Variants in MYH10 observed in about 807,000 individuals in gnomAD.
The protein encoded by MYH10 is myosin heavy chain 10.
A neutral mutation model predicts 257.8 loss-of-function variants in MYH10; 55 were observed. That is an observed-to-expected ratio of 0.21 (90% CI 0.17 to 0.27). The LOEUF (loss-of-function observed/expected upper bound fraction) is 0.27, where lower values mean the gene tolerates loss of function less well. Among genes scored for constraint, MYH10 ranks in the 10% least tolerant of loss-of-function variants. The pLI, the probability that MYH10 is intolerant of heterozygous loss-of-function variation, is 1.00. For missense variants in MYH10, 1,631 were observed against 2,500.6 expected (o/e 0.65, Z 7.42); for synonymous variants, 854 against 921.7 (o/e 0.93, Z 1.33).
chr17:8,581,813 A>G (rs1315101191), intron 4 of MYH10, among the ~76,000 whole-genome samples: 2 of 152,246 alleles, frequency 1.3e-5, no homozygotes, highest in Non-Finnish European at 2.9e-5. Context: ...GATTTGAATT[A>G]CTAAACTTTA....
At chr17:8,559,861 T>C (rs987945005) in intron 7 of MYH10, among the ~76,000 whole-genome samples, 1 of 152,222 alleles carries the variant, frequency 6.6e-6, no homozygotes, top group Non-Finnish European at 1.5e-5. Flanking sequence ...GTATTATCTA[T>C]ACACTACCTC....
At chr17:8,480,026 G>GC (rs3215073) in intron 40 of MYH10, 84 bp downstream of exon 40, 541,346 of 1,339,504 alleles carry the variant, frequency 0.4, 110,961 homozygotes, top group South Asian at 0.44. Context: ...GTGGTGGGGA[G>GC]CCCCCCCGAA....
chr17:8,515,280 T>C lies in MYH10; in HGVS notation c.2505-1386A>G, dbSNP rs370346748. Among the ~76,000 whole-genome samples, 69 of 152,292 alleles carry C rather than the reference T, an allele frequency of 4.5e-4. No individual in the cohort carries two copies. The East Asian group carries it at 0.011, about 25-fold the overall frequency. On this transcript the variant is annotated intron_variant, in intron 21 of 42. Transcript: ENST00000360416. The stretch of plus-strand genomic sequence containing the variant: ...AAAATAAGAAAAACATTTTGAATTA[T>C]TCATTCACTCCAGCAAACAGCGGTA...
intron 37 of MYH10, among the ~76,000 whole-genome samples, chr17:8,481,880 A>T (rs1266460023): frequency 6.6e-6 from 1 of 152,242 alleles, no homozygotes; most frequent in Non-Finnish European, 1.5e-5. Context: ...AACAAGGATC[A>T]ATGCTCCCAT....
Position 8,476,985 on chromosome 17 carries a change from C to T in MYH10, c.5770G>A (p.Ala1924Thr). The part of the protein sequence containing the change: ...KRQLEEAEEE[A>T]TRANASRRKL... ...CGCCGAGATGCGTTGGCACGCGTCG[C>T]TTCTTCTTCTGCTTCCTCCAGCTGG... is the stretch of plus-strand genomic sequence containing the variant. Residue 1924 changes from alanine (A) to threonine (T), a missense_variant, in exon 42 of 43, where the codon GCG becomes ACG. Coordinates refer to ENST00000360416, the MANE Select transcript of MYH10 (RefSeq NM_001256012.3). 3.7e-6 allele frequency: 6 copies of T among 1,614,182 alleles called. No homozygotes were observed. Among genetic ancestry groups the T allele is most frequent in the Non-Finnish European group, 5.1e-6 (6 of 1,180,040 alleles).
Position 8,512,628 on chromosome 17 carries a change from T to C in MYH10, c.2775A>G (p.Glu925=), listed in dbSNP as rs759626647. 12 of 1,612,924 alleles carry C rather than the reference T, an allele frequency of 7.4e-6. No individual in the cohort carries two copies. The Admixed American group carries it at 8.3e-5, about 11-fold the overall frequency. Reference sequence around the variant, plus strand: ...AGAGCTCAGTCTCTGCTTGTAGTTGTTCTGCAAGGATATTCTTCTCTTCTA... The same window carrying C: ...AGAGCTCAGTCTCTGCTTGTAGTTGCTCTGCAAGGATATTCTTCTCTTCTA... ...QLLEEKNILA[E]QLQAETELFA... Residue 925 remains glutamate, a synonymous_variant, in exon 24 of 43, where the codon GAA becomes GAG. Transcript: ENST00000360416.
chr17:8,518,531 G>A, intron 21 of MYH10, 100 bp downstream of exon 21: 4 of 1,287,406 alleles, frequency 3.1e-6, no homozygotes, highest in South Asian at 2.8e-5. Context: ...TGTAAGGACA[G>A]ACTATGTCTC....
At chr17:8,582,037 A>G (rs2083724869) in intron 4 of MYH10, among the ~76,000 whole-genome samples, 1 of 152,254 alleles carries the variant, frequency 6.6e-6, no homozygotes, top group Admixed American at 6.5e-5. Context: ...AAGGCTCTCA[A>G]TAAATGGTAG....
intron 7 of MYH10, chr17:8,560,782 C>T: frequency 5.0e-6 from 3 of 600,028 alleles, no homozygotes; most frequent in South Asian, 2.7e-5. Flanking sequence ...CAAATGCTGG[C>T]CCGACACAAA....
intron 14 of MYH10, among the ~76,000 whole-genome samples, chr17:8,539,987 A>C (rs936031223): frequency 2.0e-5 from 3 of 151,954 alleles, no homozygotes; most frequent in Non-Finnish European, 4.4e-5. Context: ...TTTCTACTTC[A>C]CTTATTTATT....
At chr17:8,563,457 C>T (rs1597837764) in intron 7 of MYH10, among the ~76,000 whole-genome samples, 3 of 152,136 alleles carry the variant, frequency 2.0e-5, no homozygotes, top group Admixed American at 1.3e-4. Context: ...TAGACCCTCC[C>T]CAATCCGGGG....
chr17:8,475,864 G>A lies in MYH10; in HGVS notation c.5964C>T (p.Asp1988=), dbSNP rs560618058. 10 of 1,614,188 alleles carry A rather than the reference G, an allele frequency of 6.2e-6. No homozygotes were observed. The highest frequency in any genetic ancestry group is 5.5e-5 in the South Asian group (5 of 91,084). The part of the protein sequence containing the change: ...HLEGASLELS[D]DDTESKTSDV... ...CACTGGTCTTACTTTCTGTGTCATC[G>A]TCGGAGAGCTCCAGGGAAGCTCCTT... is the stretch of plus-strand genomic sequence containing the variant. The change falls in exon 43 of 43, where the codon GAC becomes GAT. Residue 1988 remains aspartate (D), a synonymous_variant. Transcript: ENST00000360416.
intron 17 of MYH10, chr17:8,521,625 T>C (rs750808240): frequency 3.7e-6 from 1 of 271,976 alleles, no homozygotes. Flanking sequence ...GCTGGCATTA[T>C]TGATACATAC....
chr17:8,508,135 G>C (rs979325964), intron 26 of MYH10, among the ~76,000 whole-genome samples: 1 of 152,076 alleles, frequency 6.6e-6, no homozygotes, highest in African/African-American at 2.4e-5. Flanking sequence ...GTGAGCTCCT[G>C]GGCACAAGCA....
intron 6 of MYH10, among the ~76,000 whole-genome samples, chr17:8,572,922 G>C (rs2083394547): frequency 6.6e-6 from 1 of 152,154 alleles, no homozygotes; most frequent in South Asian, 2.1e-4. Flanking sequence ...GATAAATGGT[G>C]CTAACAGATC....
chr17:8,603,564 G>A (rs1270881494), intron 3 of MYH10, among the ~76,000 whole-genome samples: 1 of 152,134 alleles, frequency 6.6e-6, no homozygotes, highest in Non-Finnish European at 1.5e-5. Context: ...CTTAATCAGA[G>A]AAAGAGAGCG....
rs375340612 is a variant in MYH10, at chr17:8,481,418, G to A, written c.5176-8C>T. 5.1e-5 allele frequency: 82 copies of A among 1,613,432 alleles called. No homozygotes were observed. Among genetic ancestry groups the A allele is most frequent in the Non-Finnish European group, 6.7e-5 (79 of 1,179,748 alleles). On this transcript the variant is annotated splice_region_variant and splice_polypyrimidine_tract_variant and intron_variant, in intron 37 of 42. Coordinates refer to ENST00000360416, the MANE Select transcript of MYH10 (RefSeq NM_001256012.3). ...CTCAGATGAGGCAAGTTCCTAAGCA[G>A]TGGAGACTGCGTTAAGCTCTGGCTG...
At chr17:8,551,267 G>C (rs1292550986) in intron 9 of MYH10, among the ~76,000 whole-genome samples, 1 of 137,582 alleles carries the variant, frequency 7.3e-6, no homozygotes, top group Non-Finnish European at 1.6e-5. Context: ...TGAATTTTTA[G>C]TCTCTCCTTG....
At chr17:8,564,434 C>T (rs1852856303) in intron 7 of MYH10, among the ~76,000 whole-genome samples, 2 of 152,208 alleles carry the variant, frequency 1.3e-5, no homozygotes. Context: ...CTGGCCTGCC[C>T]ACGGAGCAAC....
Sources: allele counts gnomAD v4.1 joint callset (sites outside exome capture counted in the v4.1 genomes callset), GRCh38; gene constraint gnomAD v4.1.1; transcripts MANE v1.5; gene names NCBI Gene and HGNC (gene_info 2026-07-23, HGNC 2026-07-21).